The following HS3ST4 variants were observed in gnomAD, a reference collection of about 807,000 sequenced individuals.
HS3ST4 encodes heparan sulfate-glucosamine 3-sulfotransferase 4.
In HS3ST4, 17 loss-of-function variants were observed where a neutral mutation model predicts 29.2. The ratio of observed to expected loss-of-function variants is 0.58; its 90% confidence interval spans 0.40 to 0.87. HS3ST4 has a LOEUF of 0.87. Among genes scored for constraint, HS3ST4 ranks in the 40% least tolerant of loss-of-function variants. The pLI is 0.00. For missense variants in HS3ST4, 627 were observed against 634.5 expected (o/e 0.99, Z 0.13); for synonymous variants, 314 against 285.7 (o/e 1.10, Z -1.00).
intron 1 of HS3ST4, among the ~76,000 whole-genome samples, chr16:26,010,211 TGGGA>T (rs1969297935): frequency 6.6e-6 from 1 of 152,070 alleles, no homozygotes; most frequent in South Asian, 2.1e-4. Flanking sequence ...CCCAGCACTA[TGGGA>T]GGCCAAGGAG....
At position 26,052,092 on chromosome 16, in the gene HS3ST4, A is replaced by G. The variant is rs558137326; in HGVS notation, c.735-83520A>G. 3.9e-5 allele frequency among the ~76,000 whole-genome samples: 6 copies of G among 152,232 alleles called. No individual in the cohort carries two copies. The East Asian group carries it at 5.8e-4, about 15-fold the overall frequency. On this transcript the variant is annotated intron_variant, in intron 1 of 1. Coordinates refer to ENST00000331351, the MANE Select transcript of HS3ST4 (RefSeq NM_006040.3). The stretch of plus-strand genomic sequence containing the variant: ...AGAAATGATCTGACCTACATTGACT[A>G]TAGATCATAAGATCCCCATTCCAGA...
At chr16:25,709,841 A>C (rs985948018) in intron 1 of HS3ST4, among the ~76,000 whole-genome samples, 2 of 152,134 alleles carry the variant, frequency 1.3e-5, no homozygotes, top group Non-Finnish European at 2.9e-5. Context: ...AATATTTTCT[A>C]TTTTCATCCC....
At chr16:25,807,682 G>A (rs532209430) in intron 1 of HS3ST4, among the ~76,000 whole-genome samples, 6 of 152,238 alleles carry the variant, frequency 3.9e-5, no homozygotes, top group East Asian at 1.9e-4. Flanking sequence ...GCCCAAGAGC[G>A]CAGTTGGTGG....
At chr16:25,810,662 A>G (rs543915002) in intron 1 of HS3ST4, among the ~76,000 whole-genome samples, 1 of 152,134 alleles carries the variant, frequency 6.6e-6, no homozygotes, top group Non-Finnish European at 1.5e-5. Flanking sequence ...TCATTTTTAT[A>G]TTGCTAATGC....
At chr16:26,071,882 A>T (rs567427893) in intron 1 of HS3ST4, among the ~76,000 whole-genome samples, 1 of 152,278 alleles carries the variant, frequency 6.6e-6, no homozygotes, top group East Asian at 1.9e-4. Context: ...TTAGCATATA[A>T]CTAAGTGCAT....
chr16:26,033,875 C>G (rs1346972198), intron 1 of HS3ST4, among the ~76,000 whole-genome samples: 1 of 152,156 alleles, frequency 6.6e-6, no homozygotes, highest in Non-Finnish European at 1.5e-5. Context: ...AGCCTCATCT[C>G]CAATCAAAGA....
intron 1 of HS3ST4, among the ~76,000 whole-genome samples, chr16:25,774,422 G>C (rs1051380471): frequency 4.6e-5 from 7 of 152,206 alleles, no homozygotes; most frequent in African/African-American, 1.4e-4. Context: ...CAGCTCAAGG[G>C]CTGGAGCAAC....
intron 1 of HS3ST4, among the ~76,000 whole-genome samples, chr16:26,027,268 A>G (rs1567296705): frequency 6.6e-6 from 1 of 152,180 alleles, no homozygotes; most frequent in Non-Finnish European, 1.5e-5. Flanking sequence ...GCCAGTAGCC[A>G]TCAGGAAACT....
At chr16:26,014,007 AAAAT>A (rs142700276) in intron 1 of HS3ST4, among the ~76,000 whole-genome samples, 72 of 145,644 alleles carry the variant, frequency 4.9e-4, no homozygotes, top group Middle Eastern at 3.6e-3. Context: ...ACTCTGTCTC[AAAAT>A]AAATAAATAA....
intron 1 of HS3ST4, among the ~76,000 whole-genome samples, chr16:25,894,399 G>T (rs1238319997): frequency 6.6e-6 from 1 of 152,138 alleles, no homozygotes; most frequent in Admixed American, 6.5e-5. Flanking sequence ...AAGCAGATCC[G>T]AAAGCAGAGT....
At chr16:25,935,787 TATAGC>T (rs1378804132) in intron 1 of HS3ST4, among the ~76,000 whole-genome samples, 1 of 152,198 alleles carries the variant, frequency 6.6e-6, no homozygotes, top group African/African-American at 2.4e-5. Context: ...TTTATATGTT[TATAGC>T]ATATTTGGAC....
At chr16:25,928,820 G>A (rs941153939) in intron 1 of HS3ST4, among the ~76,000 whole-genome samples, 6 of 152,144 alleles carry the variant, frequency 3.9e-5, no homozygotes, top group Admixed American at 3.9e-4. Flanking sequence ...CAGAATCGAT[G>A]CAGCCCAAGC....
chr16:25,836,941 C>A (rs905786548), intron 1 of HS3ST4, among the ~76,000 whole-genome samples: 4 of 152,164 alleles, frequency 2.6e-5, no homozygotes, highest in African/African-American at 4.8e-5. Context: ...CACTGGCCAT[C>A]GTAATGAGAA....
In HS3ST4 at chr16:26,020,817, C is replaced by T. The variant is rs1040008827; in HGVS notation, c.735-114795C>T. ...TGTGCAGGTTCAAGTGTGAGAAGCC[C>T]GGGCTGAGAACACAAACTCCAGGAC... On this transcript the variant is annotated intron_variant, in intron 1 of 1. Coordinates refer to ENST00000331351, the MANE Select transcript of HS3ST4 (RefSeq NM_006040.3). Among the ~76,000 whole-genome samples the T allele has an allele frequency of 3.3e-5, 5 of 152,208 alleles. No individual in the cohort carries two copies. The South Asian group carries it at 8.3e-4, about 25-fold the overall frequency.
intron 1 of HS3ST4, among the ~76,000 whole-genome samples, chr16:25,952,687 T>G (rs1248289147): frequency 6.6e-6 from 1 of 152,190 alleles, no homozygotes; most frequent in Non-Finnish European, 1.5e-5. Context: ...TCAGTCTGTC[T>G]CCTACCTGCT....
At chr16:26,119,621 A>G (rs1435273739) in intron 1 of HS3ST4, among the ~76,000 whole-genome samples, 1 of 152,026 alleles carries the variant, frequency 6.6e-6, no homozygotes, top group Non-Finnish European at 1.5e-5. Context: ...ATTGGGTATA[A>G]TTCTCTGCCT....
intron 1 of HS3ST4, among the ~76,000 whole-genome samples, chr16:25,752,528 A>C (rs1386238574): frequency 6.6e-6 from 1 of 152,192 alleles, no homozygotes; most frequent in Non-Finnish European, 1.5e-5. Context: ...AAAGGCAACA[A>C]AGGGCATTGC....
At chr16:26,067,802 C>T (rs1223502026) in intron 1 of HS3ST4, among the ~76,000 whole-genome samples, 1 of 152,130 alleles carries the variant, frequency 6.6e-6, no homozygotes, top group Non-Finnish European at 1.5e-5. Context: ...TTTTCCCATG[C>T]TGTTCTCATG....
intron 1 of HS3ST4, among the ~76,000 whole-genome samples, chr16:25,793,078 T>G (rs1013453867): frequency 2.0e-5 from 3 of 151,940 alleles, no homozygotes; most frequent in Middle Eastern, 3.2e-3. Flanking sequence ...TTTAGTTTTT[T>G]TCTAGTTTTC....
Sources: gnomAD v4.1 joint callset for allele counts (sites outside exome capture counted in the v4.1 genomes callset) on GRCh38, gnomAD v4.1.1 for gene constraint, MANE v1.5 for transcripts, NCBI Gene and HGNC (gene_info 2026-07-23, HGNC 2026-07-21) for gene names.